CAMTA1: variants seen among roughly 807,000 people sequenced by gnomAD.
The protein encoded by CAMTA1 is calmodulin binding transcription activator 1.
A neutral mutation model predicts 170.9 loss-of-function variants in CAMTA1; 27 were observed. The observed-to-expected ratio is 0.16, with a 90% CI of 0.12 to 0.22. The LOEUF (loss-of-function observed/expected upper bound fraction) is 0.22. Ranked by LOEUF, CAMTA1 falls within the 10% of genes least tolerant of loss-of-function variation. The pLI is 1.00. For synonymous variants in CAMTA1, 833 were observed against 891.5 expected, an observed-to-expected ratio of 0.93 and a Z score of 1.17; for missense variants, 1,619 against 2,217.2, an observed-to-expected ratio of 0.73 and a Z score of 5.42.
chr1:7,286,199 G>T lies in CAMTA1; in HGVS notation c.438+36573G>T, dbSNP rs983917226. On this transcript the variant is annotated intron_variant, in intron 5 of 22. Transcript: ENST00000303635. The surrounding 1 kb of genome is among the most constrained non-coding windows in gnomAD (Gnocchi z 4.2). ...GAGGAAAGACCTCACAGGGAGATTG[G>T]CATGTGATTGGGCCCTGAAGGGTGA... is the stretch of plus-strand genomic sequence containing the variant. 1.3e-5 allele frequency among the ~76,000 whole-genome samples: 2 copies of T among 152,170 alleles called. No homozygotes were observed. The highest frequency in any genetic ancestry group is 2.9e-5 in the Non-Finnish European group (2 of 68,042).
At chr1:7,090,330 C>T (rs1641312296) in intron 3 of CAMTA1, among the ~76,000 whole-genome samples, 1 of 152,220 alleles carries the variant, frequency 6.6e-6, no homozygotes, top group Non-Finnish European at 1.5e-5. Context: ...GGGCTGCTAC[C>T]TTCCCAGGAG....
chr1:6,829,001 A>T lies in CAMTA1; in HGVS notation c.234+3791A>T, dbSNP rs531450016. On this transcript the variant is annotated intron_variant, in intron 3 of 22. Transcript: ENST00000303635. ...AACCTCCACCCCTCAGGTTCAAGTG[A>T]TTCTTGTGCTTTAGCCTCCTGGGTG... 2.1e-5 allele frequency among the ~76,000 whole-genome samples: 3 copies of T among 145,028 alleles called. No homozygotes were observed. In the Admixed American group the frequency reaches 2.2e-4, roughly 10 times the overall value.
At chr1:7,106,058 T>C (rs1050625659) in intron 4 of CAMTA1, among the ~76,000 whole-genome samples, 15 of 152,236 alleles carry the variant, frequency 9.9e-5, no homozygotes, top group South Asian at 4.1e-4. Flanking sequence ...TTTCTAGTTA[T>C]CTTATTTCTT....
intron 3 of CAMTA1, among the ~76,000 whole-genome samples, chr1:7,090,504 T>C (rs1641330334): frequency 6.6e-6 from 1 of 152,236 alleles, no homozygotes; most frequent in Non-Finnish European, 1.5e-5. Flanking sequence ...AATTTCATGT[T>C]AGCAGATCCT....
intron 5 of CAMTA1, among the ~76,000 whole-genome samples, chr1:7,410,164 A>C (rs1398581379): frequency 6.6e-6 from 1 of 152,190 alleles, no homozygotes; most frequent in Non-Finnish European, 1.5e-5. Context: ...TAAATGCGTA[A>C]ACTTAGGTTA....
intron 5 of CAMTA1, among the ~76,000 whole-genome samples, chr1:7,265,155 AACTGTTCCTGCGC>A (rs1668725605): frequency 2.0e-4 from 31 of 152,268 alleles, no homozygotes; most frequent in Admixed American, 1.9e-3. Flanking sequence ...TGAGCAGGTG[AACTGTTCCTGCGC>A]TGTCCCAGCC....
At chr1:7,323,818 G>A (rs1678868108) in intron 5 of CAMTA1, among the ~76,000 whole-genome samples, 1 of 152,138 alleles carries the variant, frequency 6.6e-6, no homozygotes, top group Admixed American at 6.5e-5. Flanking sequence ...TCTTGAATAA[G>A]TAACTGTTGA....
intron 5 of CAMTA1, among the ~76,000 whole-genome samples, chr1:7,301,833 G>A (rs921355478): frequency 2.0e-5 from 3 of 152,124 alleles, no homozygotes; most frequent in Non-Finnish European, 4.4e-5. Flanking sequence ...CAGCACAGAG[G>A]CCTCCACCTG....
rs186349715 is a variant in CAMTA1, at chr1:7,534,407, G to A, written c.510+66506G>A. The stretch of plus-strand genomic sequence containing the variant: ...CACGGGGAGAGCTTGCTGCAGACCC[G>A]GGGAGGAGAAGCCACTGTGGATGGA... On this transcript the variant is annotated intron_variant, in intron 6 of 22. Transcript: ENST00000303635. The surrounding 1 kb of genome is among the most constrained non-coding windows in gnomAD (Gnocchi z 5.6). Among the ~76,000 whole-genome samples the A allele has an allele frequency of 1.3e-3, 201 of 152,286 alleles. 2 individuals carry two copies. Among genetic ancestry groups the A allele is most frequent in the Admixed American group, 0.012 (188 of 15,284 alleles).
At chr1:7,712,242 C>T (rs2096576300) in intron 11 of CAMTA1, among the ~76,000 whole-genome samples, 1 of 152,042 alleles carries the variant, frequency 6.6e-6, no homozygotes, top group Non-Finnish European at 1.5e-5. Context: ...GTCTAGTTCT[C>T]TAATGTTTTA....
At chr1:7,543,057 CAG>C (rs2094637152) in intron 6 of CAMTA1, among the ~76,000 whole-genome samples, 1 of 152,104 alleles carries the variant, frequency 6.6e-6, no homozygotes, top group South Asian at 2.1e-4. Context: ...TTAGTGGAGA[CAG>C]GGTTTCACCG....
intron 1 of CAMTA1, among the ~76,000 whole-genome samples, chr1:6,799,722 TAAAAC>T (rs1010070265): frequency 2.0e-4 from 31 of 152,264 alleles, no homozygotes; most frequent in East Asian, 5.8e-4. Context: ...TAACTAATGA[TAAAAC>T]AGAACAGTTG....
At chr1:7,672,433 T>C (rs1388716162) in intron 10 of CAMTA1, among the ~76,000 whole-genome samples, 1 of 152,082 alleles carries the variant, frequency 6.6e-6, no homozygotes, top group Non-Finnish European at 1.5e-5. Flanking sequence ...TGTTGGTTTT[T>C]TTGTTTTGAG....
intron 5 of CAMTA1, among the ~76,000 whole-genome samples, chr1:7,452,678 T>C (rs2092855084): frequency 6.6e-6 from 1 of 152,210 alleles, no homozygotes; most frequent in Admixed American, 6.5e-5. Flanking sequence ...GGTTCATCCA[T>C]GTTGTGGCGC....
intron 5 of CAMTA1, among the ~76,000 whole-genome samples, chr1:7,291,029 C>T (rs773182900): frequency 1.3e-5 from 2 of 152,186 alleles, no homozygotes; most frequent in Non-Finnish European, 2.9e-5. Context: ...TGGGATGAAA[C>T]ATGCTCCCAA....
intron 3 of CAMTA1, among the ~76,000 whole-genome samples, chr1:6,854,670 A>C (rs986625340): frequency 6.6e-6 from 1 of 152,224 alleles, no homozygotes; most frequent in African/African-American, 2.4e-5. Context: ...TCGAAAGACT[A>C]AATTCAGAAT....
intron 1 of CAMTA1, among the ~76,000 whole-genome samples, chr1:6,799,748 C>T (rs1308258578): frequency 6.6e-6 from 1 of 152,086 alleles, no homozygotes; most frequent in Non-Finnish European, 1.5e-5. Context: ...CAGCAATATA[C>T]TGTAATAAAA....
At position 7,007,440 on chromosome 1, in the gene CAMTA1, T is replaced by C. The variant is rs1297556042; in HGVS notation, c.235-83864T>C. On this transcript the variant is annotated intron_variant, in intron 3 of 22. Transcript: ENST00000303635. The surrounding 1 kb of genome is among the most constrained non-coding windows in gnomAD (Gnocchi z 4.5). ...GAGCCAGCCTTGTGGGGCAACAGAATGTCACACCCAGGTCCTTCCCTCGCC... is the reference window on the plus strand; with the variant it reads ...GAGCCAGCCTTGTGGGGCAACAGAACGTCACACCCAGGTCCTTCCCTCGCC... Among the ~76,000 whole-genome samples, 1 of 152,152 alleles carries C rather than the reference T, an allele frequency of 6.6e-6. No individual in the cohort carries two copies. The highest frequency in any genetic ancestry group is 1.5e-5 in the Non-Finnish European group (1 of 68,024).
chr1:6,852,224 C>T (rs1418647997), intron 3 of CAMTA1, among the ~76,000 whole-genome samples: 1 of 152,038 alleles, frequency 6.6e-6, no homozygotes, highest in Non-Finnish European at 1.5e-5. Context: ...TTCTTTAGAT[C>T]AACAAAAATG....
Sources: gnomAD v4.1 joint callset for allele counts (sites outside exome capture counted in the v4.1 genomes callset) on GRCh38, gnomAD v4.1.1 for gene constraint, Gnocchi (gnomAD v3.1) non-coding constraint, MANE v1.5 for transcripts, NCBI Gene and HGNC (gene_info 2026-07-23, HGNC 2026-07-21) for gene names.